The following ELL variants were observed in gnomAD, a reference collection of about 807,000 sequenced individuals.
The protein encoded by ELL is elongation factor for RNA polymerase II, also known as RNA polymerase II elongation factor ELL.
In ELL, 18 loss-of-function variants were observed where a neutral mutation model predicts 64.0. The ratio of observed to expected loss-of-function variants is 0.28; its 90% CI spans 0.19 to 0.42. ELL has a LOEUF of 0.42. ELL is among the 10% of genes least tolerant of loss of function. The probability of loss-of-function intolerance (pLI) is 1.00; values close to 1 mark genes in which losing one functional copy is unlikely to be tolerated. For missense variants in ELL, 797 were observed against 870.4 expected, an observed-to-expected ratio of 0.92 and a Z score of 1.06; for synonymous variants, 399 against 376.2, an observed-to-expected ratio of 1.06 and a Z score of -0.70.
At chr19:18,473,711 C>A (rs1367243724) in intron 1 of ELL, among the ~76,000 whole-genome samples, 1 of 152,194 alleles carries the variant, frequency 6.6e-6, no homozygotes, top group East Asian at 1.9e-4. Context: ...TTCCCTCTTC[C>A]CAACCTGGGG....
At chr19:18,462,486 C>T (rs1036478307) in intron 4 of ELL, among the ~76,000 whole-genome samples, 6 of 151,570 alleles carry the variant, frequency 4.0e-5, no homozygotes, top group African/African-American at 9.7e-5. Flanking sequence ...TGGGCTCAAG[C>T]GATCCTCCCA....
chr19:18,450,548 T>C lies in ELL; in HGVS notation c.1394A>G (p.Lys465Arg). 1 of 1,612,720 alleles carries C rather than the reference T, an allele frequency of 6.2e-7. No individual in the cohort carries two copies. The highest frequency in any genetic ancestry group is 1.1e-5 in the South Asian group (1 of 91,046). Residue 465 changes from lysine to arginine, a missense_variant, in exon 8 of 12, where the codon AAG becomes AGG. Physicochemically the swap from Lys to Arg is conservative, Grantham distance 26. Coordinates refer to ENST00000262809, the MANE Select transcript of ELL (RefSeq NM_006532.4). ...HKDKERAAED[K>R]PRAQLPDCAP... The stretch of plus-strand genomic sequence containing the variant: ...ACAGTCTGGAAGCTGGGCCCGGGGC[T>C]TGTCCTCAGCCGCCCTCTCCTTGTC...
In ELL at chr19:18,444,004, C is replaced by T. The variant is rs1205208198; in HGVS notation, c.*748G>A. On this transcript the variant is annotated 3_prime_UTR_variant, in exon 12 of 12. Coordinates refer to ENST00000262809, the MANE Select transcript of ELL (RefSeq NM_006532.4). Reference sequence around the variant, plus strand: ...ACTTGGAGCACAGAAACACAGTGGCCCCCGACAGCTGAGGGCCTGAAATAG... The same window carrying T: ...ACTTGGAGCACAGAAACACAGTGGCTCCCGACAGCTGAGGGCCTGAAATAG... The T allele has an allele frequency of 4.3e-6, 1 of 232,306 alleles. No homozygotes were observed. Among genetic ancestry groups the T allele is most frequent in the Admixed American group, 5.6e-5 (1 of 17,732 alleles). The allele number at this position is 232,306 out of a possible 1,614,324, so 14.4% of individuals were successfully genotyped here. A position where few individuals can be genotyped will look rare whatever the true frequency, so the allele number is the denominator to read the frequency against.
At position 18,501,795 on chromosome 19, in the gene ELL, G is replaced by T. The variant is rs781704006; in HGVS notation, c.135+20126C>A. 1.3e-5 allele frequency among the ~76,000 whole-genome samples: 2 copies of T among 152,224 alleles called. No individual in the cohort carries two copies. The highest frequency in any genetic ancestry group is 2.9e-5 in the Non-Finnish European group (2 of 68,034). Reference sequence around the variant, plus strand: ...CCCACAAATGGTCCATCCTTGGGGAGCATCTCCCCCACATCCTCAACCTCC... The same window carrying T: ...CCCACAAATGGTCCATCCTTGGGGATCATCTCCCCCACATCCTCAACCTCC... On this transcript the variant is annotated intron_variant, in intron 1 of 11. Transcript: ENST00000262809. The surrounding 1 kb of genome is among the most constrained non-coding windows in gnomAD (Gnocchi z 4.5).
intron 1 of ELL, among the ~76,000 whole-genome samples, chr19:18,475,005 T>C (rs1328948085): frequency 2.0e-5 from 3 of 152,140 alleles, no homozygotes; most frequent in Non-Finnish European, 2.9e-5. Context: ...GCACCTGTAA[T>C]CCCAACTACT....
chr19:18,482,485 A>G (rs2144943544), intron 1 of ELL, among the ~76,000 whole-genome samples: 1 of 151,550 alleles, frequency 6.6e-6, no homozygotes, highest in South Asian at 2.1e-4. Context: ...ACAGGTGCGT[A>G]CTACCACACC....
intron 6 of ELL, among the ~76,000 whole-genome samples, chr19:18,455,083 G>A (rs1054006855): frequency 2.7e-5 from 4 of 149,912 alleles, no homozygotes. Context: ...AGAGGTTGCA[G>A]TGAGCCAAGA....
At position 18,501,143 on chromosome 19, in the gene ELL, G is replaced by A. The variant is rs1871347098; in HGVS notation, c.135+20778C>T. On this transcript the variant is annotated intron_variant, in intron 1 of 11. Coordinates refer to ENST00000262809, the MANE Select transcript of ELL (RefSeq NM_006532.4). This position sits in a 1 kb window ranked among gnomAD's most constrained non-coding sequence, Gnocchi z 4.5. The stretch of plus-strand genomic sequence containing the variant: ...CACTGTTCTCGCCAGCTATGCCTGT[G>A]GGCAGCAAGCAGCACACCTCCAGGG... Among the ~76,000 whole-genome samples the A allele has an allele frequency of 6.6e-6, 1 of 152,066 alleles. No individual in the cohort carries two copies. The highest frequency in any genetic ancestry group is 6.6e-5 in the Admixed American group (1 of 15,258).
intron 1 of ELL, among the ~76,000 whole-genome samples, chr19:18,490,350 G>A (rs1056080012): frequency 5.9e-5 from 9 of 152,264 alleles, no homozygotes; most frequent in African/African-American, 1.9e-4. Context: ...CTTCTGGGCC[G>A]ACACAGCAGG....
intron 1 of ELL, among the ~76,000 whole-genome samples, chr19:18,503,676 C>T (rs531580160): frequency 1.1e-4 from 16 of 152,236 alleles, no homozygotes; most frequent in African/African-American, 3.6e-4. Context: ...TGGGAAGGGA[C>T]GGGACCTGTT....
chr19:18,518,227 C>T (rs1439249916), intron 1 of ELL, among the ~76,000 whole-genome samples: 3 of 152,086 alleles, frequency 2.0e-5, no homozygotes, highest in Non-Finnish European at 2.9e-5. Flanking sequence ...AGGCCAGGCA[C>T]GATGGCTCAC....
At chr19:18,513,783 T>C (rs1014778263) in intron 1 of ELL, among the ~76,000 whole-genome samples, 4 of 151,708 alleles carry the variant, frequency 2.6e-5, no homozygotes, top group Non-Finnish European at 5.9e-5. Context: ...CACAAAAAAT[T>C]AGCCGGGCGT....
At chr19:18,472,469 AGGT>A (rs1377046147) in intron 2 of ELL, 13 of 268,120 alleles carry the variant, frequency 4.8e-5, no homozygotes, top group African/African-American at 2.9e-4. Context: ...GGCAGAGCTC[AGGT>A]GGTCGTGCTC....
rs1555732678 is a variant in ELL, at chr19:18,462,364, T to TGTGTGTGTGTGTG, written c.470-513_470-512insCACACACACACAC. On this transcript the variant is annotated intron_variant, in intron 4 of 11. Transcript: ENST00000262809. ...GTGTGTGTGTGTGTGTGTGTGTGTGTTTGGGCGGGGGGCGGGGGGGGAAGG... is the reference window on the plus strand; with the variant it reads ...GTGTGTGTGTGTGTGTGTGTGTGTGTGTGTGTGTGTGTGTTGGGCGGGGGGCGGGGGGGGAAGG... Among the ~76,000 whole-genome samples the TGTGTGTGTGTGTG allele has an allele frequency of 1.9e-3, 92 of 49,144 alleles. 13 individuals carry two copies. Among genetic ancestry groups the TGTGTGTGTGTGTG allele is most frequent in the African/African-American group, 7.3e-3 (42 of 5,792 alleles). 32.2% of individuals were successfully genotyped at this position (49,144 alleles called of 152,430 possible). A position where few individuals can be genotyped will look rare whatever the true frequency, so the allele number is the denominator to read the frequency against.
rs1292111065 is a variant in ELL, at chr19:18,442,903, C to G, written c.*1849G>C. The G allele has an allele frequency of 8.7e-6, 2 of 229,410 alleles. No homozygotes were observed. The highest frequency in any genetic ancestry group is 4.4e-5 in the African/African-American group (2 of 45,040). 14.2% of individuals were successfully genotyped at this position (229,410 alleles called of 1,614,324 possible). On this transcript the variant is annotated 3_prime_UTR_variant, in exon 12 of 12. Transcript: ENST00000262809. Reference sequence around the variant, plus strand: ...AAAAAAATAGTATCAATAAGTTAGACCATATTTAATCAGCTAGAACTTTGT... The same window carrying G: ...AAAAAAATAGTATCAATAAGTTAGAGCATATTTAATCAGCTAGAACTTTGT...
Position 18,446,502 on chromosome 19 carries a change from A to G in ELL, c.1533-22T>C, listed in dbSNP as rs117565721. 3,079 of 1,606,560 alleles carry G rather than the reference A, an allele frequency of 1.9e-3. 142 individuals carry two copies. The East Asian group carries it at 0.066, about 34-fold the overall frequency. On this transcript the variant is annotated intron_variant, in intron 9 of 11. Coordinates refer to ENST00000262809, the MANE Select transcript of ELL (RefSeq NM_006532.4). ...CTTCCTGAAACAGGAGAGAGGGGCCACTGAGTGGAGGCTGGAAGGACCCAG... is the reference window on the plus strand; with the variant it reads ...CTTCCTGAAACAGGAGAGAGGGGCCGCTGAGTGGAGGCTGGAAGGACCCAG...
chr19:18,488,220 G>A (rs1009451448), intron 1 of ELL, among the ~76,000 whole-genome samples: 2 of 152,166 alleles, frequency 1.3e-5, no homozygotes, highest in East Asian at 1.9e-4. Flanking sequence ...GTGGGTAAGC[G>A]TACACCAAGA....
At position 18,450,702 on chromosome 19, in the gene ELL, C is replaced by T. The variant is rs757187370; in HGVS notation, c.1240G>A (p.Gly414Arg). Residue 414 changes from glycine to arginine, a missense_variant, in exon 8 of 12, where the codon GGA becomes AGA. Coordinates refer to ENST00000262809, the MANE Select transcript of ELL (RefSeq NM_006532.4). ...LGHSGRDCEH[G>R]EAAAPAPTVR... ...GTGGGGGCTGGGGCAGCCGCCTCTC[C>T]GTGCTCACAGTCTCGGCCGCTGTGG... 4.4e-6 allele frequency: 7 copies of T among 1,586,058 alleles called. No homozygotes were observed. The highest frequency in any genetic ancestry group is 5.1e-6 in the Non-Finnish European group (6 of 1,166,858).
chr19:18,499,338 C>T (rs1381947286), intron 1 of ELL, among the ~76,000 whole-genome samples: 1 of 152,212 alleles, frequency 6.6e-6, no homozygotes, highest in Non-Finnish European at 1.5e-5. Context: ...CTTAACCTCT[C>T]TGGGCTTTGT....
Sources: gnomAD v4.1 joint callset for allele counts (sites outside exome capture counted in the v4.1 genomes callset) on GRCh38, gnomAD v4.1.1 for gene constraint, Gnocchi (gnomAD v3.1) non-coding constraint, MANE v1.5 for transcripts, NCBI Gene and HGNC (gene_info 2026-07-23, HGNC 2026-07-21) for gene names.